NXPH2: variants seen among roughly 807,000 people sequenced by gnomAD.
The protein encoded by NXPH2 is neurexophilin-2.
Under a neutral mutation model 19.8 loss-of-function variants are expected in NXPH2, and 5 were observed. The ratio of observed to expected loss-of-function variants is 0.25; its 90% CI spans 0.13 to 0.53. The LOEUF is 0.53. NXPH2 is among the 20% of genes least tolerant of loss of function. NXPH2 has a pLI of 0.96. For missense variants in NXPH2, 289 were observed against 322.8 expected, an observed-to-expected ratio of 0.90 and a Z score of 0.80; for synonymous variants, 154 against 127.4, an observed-to-expected ratio of 1.21 and a Z score of -1.41.
intron 1 of NXPH2, among the ~76,000 whole-genome samples, chr2:138,686,229 C>T (rs1382858171): frequency 6.6e-6 from 1 of 152,130 alleles, no homozygotes; most frequent in Non-Finnish European, 1.5e-5. Context: ...GCCTTTTCTA[C>T]TTCTCTGGTG....
chr2:138,770,236 C>G (rs557274370), intron 1 of NXPH2, among the ~76,000 whole-genome samples: 1 of 152,200 alleles, frequency 6.6e-6, no homozygotes, highest in Admixed American at 6.5e-5. Flanking sequence ...ACATAGAAGT[C>G]TTTTTAATTC....
At chr2:138,677,996 A>C (rs2104967173) in intron 1 of NXPH2, among the ~76,000 whole-genome samples, 1 of 152,320 alleles carries the variant, frequency 6.6e-6, no homozygotes, top group East Asian at 1.9e-4. Flanking sequence ...TCCATACTTT[A>C]ATTGGATCTT....
chr2:138,734,100 C>T (rs984136382), intron 1 of NXPH2, among the ~76,000 whole-genome samples: 3 of 152,088 alleles, frequency 2.0e-5, no homozygotes, highest in Non-Finnish European at 4.4e-5. Flanking sequence ...CAAAAATTAG[C>T]CAGGCATCAT....
At chr2:138,758,592 C>T (rs2104837597) in intron 1 of NXPH2, among the ~76,000 whole-genome samples, 1 of 152,250 alleles carries the variant, frequency 6.6e-6, no homozygotes, top group East Asian at 1.9e-4. Context: ...ATGGGACTTC[C>T]TGATGAAACA....
At chr2:138,730,571 G>C (rs986964770) in intron 1 of NXPH2, among the ~76,000 whole-genome samples, 1 of 152,098 alleles carries the variant, frequency 6.6e-6, no homozygotes, top group Non-Finnish European at 1.5e-5. Context: ...ACCATGCTAT[G>C]AGGCAGCCCA....
At chr2:138,757,366 A>T (rs577688161) in intron 1 of NXPH2, among the ~76,000 whole-genome samples, 117 of 152,290 alleles carry the variant, frequency 7.7e-4, no homozygotes, top group Admixed American at 1.5e-3. Flanking sequence ...ATGAACATGA[A>T]GCAGCAGCAG....
chr2:138,770,979 A>T (rs568463316), intron 1 of NXPH2, among the ~76,000 whole-genome samples: 73 of 151,910 alleles, frequency 4.8e-4, no homozygotes, highest in African/African-American at 9.9e-4. Flanking sequence ...ATTGTCAAAA[A>T]TTTTTTTTTA....
At chr2:138,726,558 A>ACACC (rs1458658670) in intron 1 of NXPH2, among the ~76,000 whole-genome samples, 1 of 135,996 alleles carries the variant, frequency 7.4e-6, no homozygotes, top group African/African-American at 2.6e-5. Flanking sequence ...ACACACACAC[A>ACACC]CCCTCCAACA....
At chr2:138,746,164 G>A (rs545666859) in intron 1 of NXPH2, among the ~76,000 whole-genome samples, 1 of 152,338 alleles carries the variant, frequency 6.6e-6, no homozygotes, top group South Asian at 2.1e-4. Context: ...GCCTGCAATA[G>A]CAGCCAAGCA....
intron 1 of NXPH2, among the ~76,000 whole-genome samples, chr2:138,688,894 T>C (rs1311229336): frequency 6.6e-6 from 1 of 152,234 alleles, no homozygotes; most frequent in Non-Finnish European, 1.5e-5. Context: ...TTTGTGTCCT[T>C]TCACTAGGCT....
intron 1 of NXPH2, among the ~76,000 whole-genome samples, chr2:138,700,540 A>C (rs1001485721): frequency 6.6e-6 from 1 of 152,148 alleles, no homozygotes; most frequent in Non-Finnish European, 1.5e-5. Context: ...CATATTTTGC[A>C]CTGACATTTA....
intron 1 of NXPH2, among the ~76,000 whole-genome samples, chr2:138,768,671 T>C (rs895596663): frequency 1.3e-5 from 2 of 152,242 alleles, no homozygotes; most frequent in African/African-American, 4.8e-5. Context: ...CCCATTTTAA[T>C]AATTTCTTCT....
chr2:138,739,393 A>C (rs189666341), intron 1 of NXPH2, among the ~76,000 whole-genome samples: 2 of 152,212 alleles, frequency 1.3e-5, no homozygotes, highest in Non-Finnish European at 2.9e-5. Context: ...GATAGTTACT[A>C]GTTGGGATGA....
At chr2:138,706,202 T>C (rs1361270989) in intron 1 of NXPH2, among the ~76,000 whole-genome samples, 2 of 152,232 alleles carry the variant, frequency 1.3e-5, no homozygotes, top group Non-Finnish European at 2.9e-5. Flanking sequence ...TTATCTCATT[T>C]AGACCTCACA....
chr2:138,675,037 C>T (rs1423152569), intron 1 of NXPH2, among the ~76,000 whole-genome samples: 1 of 152,206 alleles, frequency 6.6e-6, no homozygotes, highest in East Asian at 1.9e-4. Context: ...TAGAGCCCTT[C>T]TGACATTTTC....
intron 1 of NXPH2, among the ~76,000 whole-genome samples, chr2:138,752,727 C>T (rs1681845498): frequency 6.6e-6 from 1 of 152,064 alleles, no homozygotes; most frequent in South Asian, 2.1e-4. Flanking sequence ...ATCGTGTCTC[C>T]TGGACTCCTC....
chr2:138,764,065 T>C (rs148043913), intron 1 of NXPH2, among the ~76,000 whole-genome samples: 1 of 152,156 alleles, frequency 6.6e-6, no homozygotes, highest in Non-Finnish European at 1.5e-5. Flanking sequence ...ACAACTACAA[T>C]ACCATGAGAT....
chr2:138,744,002 C>CAAAAA (rs35072611), intron 1 of NXPH2, among the ~76,000 whole-genome samples: 1,262 of 85,596 alleles, frequency 0.015, 52 homozygotes, highest in Non-Finnish European at 0.022. Flanking sequence ...GACTCCATCT[C>CAAAAA]AAAAAAAAAA....
Position 138,733,711 on chromosome 2 carries a change from G to A in NXPH2, c.51+46480C>T, listed in dbSNP as rs1465658568. Among the ~76,000 whole-genome samples, 3 of 152,266 alleles carry A rather than the reference G, an allele frequency of 2.0e-5. No homozygotes were observed. In the East Asian group the frequency reaches 5.8e-4, roughly 29 times the overall value. On this transcript the variant is annotated intron_variant, in intron 1 of 1. Coordinates refer to ENST00000272641, the MANE Select transcript of NXPH2 (RefSeq NM_007226.3). ...GGCTGCATTATAAGTACAGACTATA[G>A]GTGACTATCAAAGGAGGCTACTGTA...
Sources: allele counts gnomAD v4.1 joint callset (sites outside exome capture counted in the v4.1 genomes callset), GRCh38; gene constraint gnomAD v4.1.1; transcripts MANE v1.5; gene names NCBI Gene and HGNC (gene_info 2026-07-23, HGNC 2026-07-21).